Variants in AUTS2 observed in about 807,000 individuals in gnomAD.
The protein encoded by AUTS2 is activator of transcription and developmental regulator AUTS2, also known as autism susceptibility gene 2 protein.
AUTS2 carries 17 observed loss-of-function variants against 112.4 expected under a neutral mutation model. That is an observed-to-expected ratio of 0.15 (90% CI 0.10 to 0.23). The LOEUF (loss-of-function observed/expected upper bound fraction) is 0.23. Ranked by LOEUF, AUTS2 falls within the 10% of genes least tolerant of loss-of-function variation. The pLI, the probability that AUTS2 is intolerant of heterozygous loss-of-function variation, is 1.00. For synonymous variants in AUTS2, 751 were observed against 702.7 expected (o/e 1.07, Z -1.09); for missense variants, 1,510 against 1,701.6 (o/e 0.89, Z 1.98).
chr7:70,673,412 G>T (rs1807750293), intron 5 of AUTS2, among the ~76,000 whole-genome samples: 1 of 151,366 alleles, frequency 6.6e-6, no homozygotes, highest in South Asian at 2.1e-4. Context: ...TGTCTCCCAG[G>T]CTGGAGTGCA....
intron 1 of AUTS2, among the ~76,000 whole-genome samples, chr7:69,838,450 C>T (rs566790504): frequency 2.6e-5 from 4 of 152,106 alleles, no homozygotes; most frequent in African/African-American, 9.7e-5. Flanking sequence ...AGTGAGGAAA[C>T]TGAGGCACAG....
chr7:69,654,115 G>C (rs1450093766), intron 1 of AUTS2, among the ~76,000 whole-genome samples: 2 of 152,226 alleles, frequency 1.3e-5, no homozygotes, highest in Non-Finnish European at 2.9e-5. Flanking sequence ...CCAGTGGACA[G>C]CTATGCTTGC....
intron 2 of AUTS2, among the ~76,000 whole-genome samples, chr7:69,999,465 T>G (rs1799090194): frequency 2.6e-5 from 4 of 152,226 alleles, no homozygotes; most frequent in Non-Finnish European, 5.9e-5. Context: ...CACATTAAAT[T>G]CTGAAGTACC....
intron 5 of AUTS2, among the ~76,000 whole-genome samples, chr7:70,460,454 G>A (rs1317326211): frequency 4.8e-5 from 7 of 145,064 alleles, no homozygotes; most frequent in African/African-American, 1.5e-4. Context: ...AGGTTCAAGT[G>A]ATTCTCCGGC....
At chr7:70,784,896 A>C in intron 15 of AUTS2, 46 bp from the exon 16 acceptor site, 1 of 1,585,662 alleles carries the variant, frequency 6.3e-7, no homozygotes, top group Non-Finnish European at 8.7e-7. Context: ...GCATCTTCGA[A>C]GTTGGCTTTT....
At chr7:70,139,433 T>C (rs1806738591) in intron 4 of AUTS2, among the ~76,000 whole-genome samples, 1 of 152,186 alleles carries the variant, frequency 6.6e-6, no homozygotes, top group Admixed American at 6.5e-5. Context: ...ATTGCTCTAG[T>C]ATATTGACTT....
intron 6 of AUTS2, among the ~76,000 whole-genome samples, chr7:70,734,567 G>A (rs1483816510): frequency 6.6e-6 from 1 of 152,130 alleles, no homozygotes; most frequent in South Asian, 2.1e-4. Context: ...ATGGTTTGGC[G>A]TGCTTGTGGG....
At chr7:70,094,897 G>GGAGTCT (rs1804110976) in intron 2 of AUTS2, among the ~76,000 whole-genome samples, 1 of 152,118 alleles carries the variant, frequency 6.6e-6, no homozygotes, top group South Asian at 2.1e-4. Context: ...GAGAAGCTTA[G>GGAGTCT]GAGTCTGTAA....
intron 4 of AUTS2, among the ~76,000 whole-genome samples, chr7:70,137,977 T>C (rs190284585): frequency 6.6e-6 from 1 of 152,344 alleles, no homozygotes; most frequent in Admixed American, 6.5e-5. Flanking sequence ...AACAGGGTAT[T>C]CATCCTCTGT....
At chr7:70,550,979 G>A (rs566778771) in intron 5 of AUTS2, among the ~76,000 whole-genome samples, 141 of 152,204 alleles carry the variant, frequency 9.3e-4, no homozygotes, top group African/African-American at 3.0e-3. Context: ...ATGTTATGGT[G>A]CCAGAAAGTA....
intron 1 of AUTS2, among the ~76,000 whole-genome samples, chr7:69,818,140 A>G (rs1439227725): frequency 6.6e-6 from 1 of 152,228 alleles, no homozygotes; most frequent in Non-Finnish European, 1.5e-5. Flanking sequence ...CCTTTTCTCC[A>G]TTGATGACAG....
At chr7:69,673,453 A>G (rs1201385591) in intron 1 of AUTS2, among the ~76,000 whole-genome samples, 1 of 152,204 alleles carries the variant, frequency 6.6e-6, no homozygotes. Flanking sequence ...TCTGCCATGT[A>G]TATTTAGGGG....
intron 1 of AUTS2, among the ~76,000 whole-genome samples, chr7:69,894,353 T>C (rs1307282238): frequency 6.6e-6 from 1 of 151,382 alleles, no homozygotes; most frequent in Non-Finnish European, 1.5e-5. Context: ...CAGTTTTTTT[T>C]ATCTTTACCC....
At chr7:70,168,792 A>C (rs971742181) in intron 4 of AUTS2, among the ~76,000 whole-genome samples, 2 of 152,176 alleles carry the variant, frequency 1.3e-5, no homozygotes, top group Non-Finnish European at 2.9e-5. Context: ...GAAGAATATA[A>C]AGTTCTCTGT....
At chr7:70,752,386 C>G (rs1788923081) in intron 6 of AUTS2, among the ~76,000 whole-genome samples, 1 of 152,172 alleles carries the variant, frequency 6.6e-6, no homozygotes, top group Non-Finnish European at 1.5e-5. Flanking sequence ...TGTCAGGTCT[C>G]TACATATCAC....
intron 2 of AUTS2, among the ~76,000 whole-genome samples, chr7:69,942,108 G>T (rs17362481): frequency 0.084 from 12,727 of 152,142 alleles, 609 homozygotes; most frequent in East Asian, 0.13. Flanking sequence ...CAATGCCCTT[G>T]TATCTCTGTT....
intron 1 of AUTS2, among the ~76,000 whole-genome samples, chr7:69,772,714 A>G (rs1221896062): frequency 6.6e-6 from 1 of 152,204 alleles, no homozygotes; most frequent in Non-Finnish European, 1.5e-5. Context: ...GATTATAGGC[A>G]TGAGTCACTG....
chr7:70,773,175 C>G (rs965931487), intron 11 of AUTS2, among the ~76,000 whole-genome samples: 2 of 152,100 alleles, frequency 1.3e-5, no homozygotes, highest in South Asian at 4.1e-4. Flanking sequence ...TTCTTTTCCC[C>G]CCCTTCTCCT....
chr7:69,888,620 C>T (rs1452882991), intron 1 of AUTS2, among the ~76,000 whole-genome samples: 3 of 149,576 alleles, frequency 2.0e-5, no homozygotes, highest in African/African-American at 7.4e-5. Flanking sequence ...CTCACTCTGT[C>T]ACCCAGGCTG....
Sources: allele counts gnomAD v4.1 joint callset (sites outside exome capture counted in the v4.1 genomes callset), GRCh38; gene constraint gnomAD v4.1.1; transcripts MANE v1.5; gene names NCBI Gene and HGNC (gene_info 2026-07-23, HGNC 2026-07-21).